NEK5: variants seen among roughly 807,000 people sequenced by gnomAD.
NEK5 encodes the protein serine/threonine-protein kinase Nek5.
NEK5 carries 88 observed loss-of-function variants against 109.2 expected under a neutral mutation model. The ratio of observed to expected loss-of-function variants is 0.81; its 90% CI spans 0.68 to 0.96. The LOEUF (loss-of-function observed/expected upper bound fraction) is 0.96. Ranked by LOEUF, NEK5 falls within the 40% of genes least tolerant of loss-of-function variation. The pLI is 0.00. For synonymous variants in NEK5, 283 were observed against 299.9 expected, an observed-to-expected ratio of 0.94 and a Z score of 0.58; for missense variants, 834 against 920.7, an observed-to-expected ratio of 0.91 and a Z score of 1.22.
Position 52,034,377 on chromosome 13 carries a change from T to C in NEK5, c.*2571A>G, listed in dbSNP as rs1954338291. The C allele has an allele frequency of 2.0e-5, 3 of 152,170 alleles. No homozygotes were observed. Among genetic ancestry groups the C allele is most frequent in the Admixed American group, 2.0e-4 (3 of 15,272 alleles). 9.4% of individuals were successfully genotyped at this position (152,170 alleles called of 1,614,324 possible). Reference sequence around the variant, plus strand: ...TTGCAGATATGTATACTTATCACAGTGAATACTTCCAGTTTACAGCAAAGA... The same window carrying C: ...TTGCAGATATGTATACTTATCACAGCGAATACTTCCAGTTTACAGCAAAGA... On this transcript the variant is annotated 3_prime_UTR_variant, in exon 24 of 24. Transcript: ENST00000684899.
chr13:52,061,042 AT>A (rs1179453473), intron 22 of NEK5, among the ~76,000 whole-genome samples: 2 of 152,104 alleles, frequency 1.3e-5, no homozygotes, highest in Non-Finnish European at 2.9e-5. Flanking sequence ...ATTTTAGAAA[AT>A]GATGGTTGGC....
chr13:52,103,837 G>A (rs1955592489), intron 9 of NEK5, among the ~76,000 whole-genome samples: 1 of 152,178 alleles, frequency 6.6e-6, no homozygotes, highest in African/African-American at 2.4e-5. Context: ...AACAATGCTG[G>A]AGGATTTGGC....
chr13:52,117,768 G>A (rs1263419871), intron 4 of NEK5, among the ~76,000 whole-genome samples: 1 of 152,190 alleles, frequency 6.6e-6, no homozygotes, highest in Non-Finnish European at 1.5e-5. Context: ...TATATAAATA[G>A]ACATATGTAA....
At chr13:52,063,487 G>A (rs1337299057) in intron 21 of NEK5, among the ~76,000 whole-genome samples, 1 of 151,982 alleles carries the variant, frequency 6.6e-6, no homozygotes, top group African/African-American at 2.4e-5. Flanking sequence ...CCTCTGCCCG[G>A]CCGCCACCCC....
chr13:52,117,525 G>A (rs1042197926), intron 4 of NEK5, among the ~76,000 whole-genome samples: 4 of 152,192 alleles, frequency 2.6e-5, no homozygotes, highest in African/African-American at 9.7e-5. Flanking sequence ...AATGACCTTA[G>A]TTCTGCAAAA....
intron 13 of NEK5, among the ~76,000 whole-genome samples, chr13:52,092,848 C>T (rs542828988): frequency 2.0e-5 from 3 of 152,158 alleles, no homozygotes; most frequent in South Asian, 4.2e-4. Context: ...ATTGCGCCAC[C>T]GCACTCTAGC....
intron 4 of NEK5, among the ~76,000 whole-genome samples, chr13:52,112,837 C>G (rs192164391): frequency 1.3e-3 from 203 of 152,228 alleles, no homozygotes; most frequent in African/African-American, 4.6e-3. Flanking sequence ...TTATAACTGA[C>G]CTCTGCCTAA....
rs1340267937 is a variant in NEK5 at position 52,087,421 on chromosome 13, T to C, written c.1309A>G (p.Asn437Asp). The change falls in exon 15 of 24, where the codon AAC becomes GAC. Residue 437 changes from asparagine (N) to aspartate (D), a missense_variant. Around this residue, in one of 2 missense-constraint regions of NEK5, gnomAD observed 777 missense variants for 824.7 expected, o/e 0.94. Transcript: ENST00000684899. ...LRPSSAEPNY[N>D]QRQELRSNGE... The stretch of plus-strand genomic sequence containing the variant: ...TTACTTCTTAGCTCTTGTCTCTGGT[T>C]GTAATTTGGCTCGGCAGAAGATGGA... 3.9e-5 allele frequency: 63 copies of C among 1,610,528 alleles called. No individual in the cohort carries two copies. The highest frequency in any genetic ancestry group is 5.0e-5 in the Non-Finnish European group (59 of 1,177,372).
intron 20 of NEK5, among the ~76,000 whole-genome samples, chr13:52,067,672 C>T (rs553924451): frequency 9.5e-5 from 13 of 136,948 alleles, no homozygotes; most frequent in South Asian, 9.1e-4. Context: ...CTTTACACCA[C>T]GTCATTTTTT....
intron 3 of NEK5, among the ~76,000 whole-genome samples, chr13:52,125,818 C>A (rs1238806527): frequency 6.6e-6 from 1 of 151,924 alleles, no homozygotes; most frequent in East Asian, 1.9e-4. Context: ...AGAGAGTGAG[C>A]AGAATAATGT....
chr13:52,072,936 G>A (rs1954807062), intron 19 of NEK5, among the ~76,000 whole-genome samples: 1 of 152,158 alleles, frequency 6.6e-6, no homozygotes, highest in African/African-American at 2.4e-5. Context: ...AAAAGATTTT[G>A]AAATCAACTA....
chr13:52,039,794 C>T (rs1233317368), intron 23 of NEK5, among the ~76,000 whole-genome samples: 2 of 151,962 alleles, frequency 1.3e-5, no homozygotes, highest in Admixed American at 6.6e-5. Context: ...TTTTCAACTT[C>T]CAGAAGTTCT....
intron 3 of NEK5, among the ~76,000 whole-genome samples, chr13:52,127,097 C>G (rs896443208): frequency 6.6e-6 from 1 of 152,118 alleles, no homozygotes; most frequent in African/African-American, 2.4e-5. Flanking sequence ...GTTGCCCAGG[C>G]TATCTCGAAC....
intron 12 of NEK5, among the ~76,000 whole-genome samples, chr13:52,093,530 A>G (rs1379072363): frequency 6.6e-6 from 1 of 152,164 alleles, no homozygotes; most frequent in African/African-American, 2.4e-5. Flanking sequence ...ACTGCACTCC[A>G]ACCTGCACAA....
intron 20 of NEK5, among the ~76,000 whole-genome samples, chr13:52,066,215 T>G (rs1365517991): frequency 6.6e-6 from 1 of 152,198 alleles, no homozygotes; most frequent in Non-Finnish European, 1.5e-5. Flanking sequence ...TTTAAAGCAA[T>G]CATAATATTC....
chr13:52,064,345 A>G (rs1954650442), intron 21 of NEK5, among the ~76,000 whole-genome samples: 1 of 114,288 alleles, frequency 8.7e-6, no homozygotes, highest in African/African-American at 3.4e-5. Context: ...CCCATCCAGG[A>G]GGGAGGTGGG....
chr13:52,092,798 A>G (rs1259007358), intron 13 of NEK5, among the ~76,000 whole-genome samples: 1 of 152,212 alleles, frequency 6.6e-6, no homozygotes, highest in African/African-American at 2.4e-5. Context: ...AGGCACGAGA[A>G]TCGCTTGAAC....
chr13:52,038,903 A>G (rs554798780), intron 23 of NEK5, among the ~76,000 whole-genome samples: 1 of 151,362 alleles, frequency 6.6e-6, no homozygotes, highest in African/African-American at 2.4e-5. Context: ...AAGGAATGGT[A>G]TTATTTAGAG....
intron 23 of NEK5, among the ~76,000 whole-genome samples, chr13:52,039,851 G>A (rs1253260281): frequency 1.3e-5 from 2 of 151,956 alleles, no homozygotes; most frequent in African/African-American, 4.8e-5. Context: ...TTGTGCCCCT[G>A]TTCCCAATTC....
Sources: gnomAD v4.1 joint callset for allele counts (sites outside exome capture counted in the v4.1 genomes callset) on GRCh38, gnomAD v4.1.1 for gene constraint, gnomAD v4.1.1 regional missense constraint, MANE v1.5 for transcripts, NCBI Gene and HGNC (gene_info 2026-07-23, HGNC 2026-07-21) for gene names.